Variants in KLF8 observed in about 807,000 individuals in gnomAD.
KLF8 encodes the protein KLF transcription factor 8.
KLF8 carries 10 observed loss-of-function variants against 18.2 expected under a neutral mutation model. The ratio of observed to expected loss-of-function variants is 0.55; its 90% CI spans 0.34 to 0.93. The LOEUF is 0.93. KLF8 is among the 40% of genes least tolerant of loss of function. The probability of loss-of-function intolerance (pLI) is 0.02; values close to 1 mark genes in which losing one functional copy is unlikely to be tolerated. For missense variants in KLF8, 264 were observed against 277.9 expected, an observed-to-expected ratio of 0.95 and a Z score of 0.36; for synonymous variants, 109 against 97.3, an observed-to-expected ratio of 1.12 and a Z score of -0.71.
At chrX:55,962,219 G>A in the KLF8 span, 1 of 175,626 alleles carries the variant, frequency 5.7e-6, no homozygotes, top group Non-Finnish European at 1.1e-5. Flanking sequence ...GTTGCAAGAA[G>A]TGAAAAGCAT....
the KLF8 span, among the ~76,000 whole-genome samples, chrX:56,055,134 A>G: frequency 1.8e-5 from 2 of 111,109 alleles, no homozygotes; most frequent in Non-Finnish European, 3.8e-5. Flanking sequence ...TTAGCTGGCT[A>G]TTTTTCAGAC....
At chrX:56,057,027 G>A in the KLF8 span, among the ~76,000 whole-genome samples, 11 of 91,060 alleles carry the variant, frequency 1.2e-4, no homozygotes, top group Non-Finnish European at 2.1e-4. Context: ...CTGTGACAGG[G>A]TGCTAACAGG....
At chrX:56,104,666 C>G in the KLF8 span, among the ~76,000 whole-genome samples, 18 of 111,460 alleles carry the variant, frequency 1.6e-4, no homozygotes, top group Admixed American at 1.5e-3. Flanking sequence ...AAAAAACCAG[C>G]TCCTGGATTC....
At chrX:56,065,249 C>T in the KLF8 span, among the ~76,000 whole-genome samples, 2 of 111,637 alleles carry the variant, frequency 1.8e-5, no homozygotes, top group Middle Eastern at 4.6e-3. Context: ...TATGGTGTCC[C>T]ATATGTCCTG....
At chrX:56,257,572 AC>A (rs1319424051) in intron 2 of KLF8, among the ~76,000 whole-genome samples, 1 of 111,361 alleles carries the variant, frequency 9.0e-6, no homozygotes, top group Non-Finnish European at 1.9e-5. Context: ...GTCCATGAGT[AC>A]CCAACGTTTA....
rs1165197696 is a variant in KLF8 at position 56,290,357 on chromosome X, A to G, written c.*5863A>G. On this transcript the variant is annotated 3_prime_UTR_variant, in exon 6 of 6. Transcript: ENST00000468660. The stretch of plus-strand genomic sequence containing the variant: ...TATAATGATAGTTATAGTACCTTAT[A>G]TTTACCCTATGTAAAAGAGAAGATT... Among the ~76,000 whole-genome samples the G allele has an allele frequency of 8.9e-6, 1 of 111,858 alleles. No homozygotes were observed. The highest frequency in any genetic ancestry group is 3.2e-5 in the African/African-American group (1 of 30,787).
intron 1 of KLF8, among the ~76,000 whole-genome samples, chrX:56,238,076 G>A (rs1042684310): frequency 1.8e-5 from 2 of 111,431 alleles, no homozygotes; most frequent in Non-Finnish European, 3.8e-5. Context: ...TTTTTTTGGA[G>A]AGTGGACACA....
intron 1 of KLF8, among the ~76,000 whole-genome samples, chrX:56,237,974 C>G (rs747271625): frequency 9.0e-6 from 1 of 111,694 alleles, no homozygotes; most frequent in Admixed American, 9.5e-5. Context: ...AGATCAGAAC[C>G]TCACCTTTAT....
chrX:56,077,956 G>A, the KLF8 span, among the ~76,000 whole-genome samples: 1 of 111,942 alleles, frequency 8.9e-6, no homozygotes, highest in East Asian at 2.8e-4. Flanking sequence ...TGTTATTGGT[G>A]TATAAGAATG....
the KLF8 span, among the ~76,000 whole-genome samples, chrX:56,154,845 C>T: frequency 8.9e-6 from 1 of 112,017 alleles, no homozygotes; most frequent in South Asian, 3.7e-4. Flanking sequence ...CCAAAAGACA[C>T]ATGAAAAAAT....
rs1555930257 is a variant in KLF8 at position 56,253,764 on chromosome X, C to CTTTTTTCT, written c.81+3466_81+3467insCTTTTTTT. 6.5e-4 allele frequency among the ~76,000 whole-genome samples: 39 copies of CTTTTTTCT among 60,112 alleles called. 1 individual carries two copies. The highest frequency in any genetic ancestry group is 2.8e-3 in the African/African-American group (39 of 13,928). The allele number at this position is 60,112 out of a possible 115,157, so 52.2% of individuals were successfully genotyped here. On this transcript the variant is annotated intron_variant, in intron 2 of 5. Coordinates refer to ENST00000468660, the MANE Select transcript of KLF8 (RefSeq NM_007250.5). ...GTACATAATGTCTTTTTTTCTTTTT[C>CTTTTTTCT]TTTTTTTTTTTTTTGAGATGTTGTC...
rs185521474 is a variant in KLF8, at chrX:56,233,974, C to A, written c.7+633C>A. ...TAAGACGTGGCCAAGGCAGTTGGTTCGTCTGTGTAGGTGGAAGACTGACTG... is the reference window on the plus strand; with the variant it reads ...TAAGACGTGGCCAAGGCAGTTGGTTAGTCTGTGTAGGTGGAAGACTGACTG... On this transcript the variant is annotated intron_variant, in intron 1 of 5. Transcript: ENST00000468660. Among the ~76,000 whole-genome samples, 73 of 111,149 alleles carry A rather than the reference C, an allele frequency of 6.6e-4. 1 individual carries two copies. Among genetic ancestry groups the A allele is most frequent in the Non-Finnish European group, 7.6e-4 (40 of 52,976 alleles).
the KLF8 span, among the ~76,000 whole-genome samples, chrX:56,159,729 T>C: frequency 1.8e-5 from 2 of 111,967 alleles, no homozygotes; most frequent in Non-Finnish European, 3.8e-5. Context: ...GGATCGGTGG[T>C]GATATCCCCT....
the KLF8 span, among the ~76,000 whole-genome samples, chrX:56,158,432 C>A: frequency 8.9e-6 from 1 of 111,825 alleles, no homozygotes; most frequent in Non-Finnish European, 1.9e-5. Flanking sequence ...TGAAGAAAGT[C>A]CTTGGTAGCT....
chrX:56,195,704 A>G, the KLF8 span, among the ~76,000 whole-genome samples: 2 of 111,945 alleles, frequency 1.8e-5, no homozygotes, highest in Non-Finnish European at 3.8e-5. Context: ...AAGGCAGGCC[A>G]ACATTCAAAT....
At chrX:56,204,811 T>C in the KLF8 span, among the ~76,000 whole-genome samples, 1 of 110,875 alleles carries the variant, frequency 9.0e-6, no homozygotes, top group African/African-American at 3.3e-5. Flanking sequence ...GACATTAAAC[T>C]GTCTCTAGAT....
At chrX:56,006,841 T>G in the KLF8 span, among the ~76,000 whole-genome samples, 1 of 112,162 alleles carries the variant, frequency 8.9e-6, no homozygotes, top group African/African-American at 3.2e-5. Flanking sequence ...GTTGTTAGGC[T>G]TTCCTATTGT....
chrX:56,264,014 T>C (rs2066923463), intron 2 of KLF8, among the ~76,000 whole-genome samples: 1 of 111,929 alleles, frequency 8.9e-6, no homozygotes, highest in Admixed American at 9.5e-5. Flanking sequence ...TCCTTAACAT[T>C]TTTCATAATT....
intron 5 of KLF8, among the ~76,000 whole-genome samples, chrX:56,279,150 C>CT (rs1049939887): frequency 9.1e-5 from 10 of 109,746 alleles, no homozygotes; most frequent in East Asian, 5.7e-4. Flanking sequence ...ATTTTTCGTT[C>CT]TTTTTTTTTA....
Sources: allele counts gnomAD v4.1 joint callset (sites outside exome capture counted in the v4.1 genomes callset), GRCh38; gene constraint gnomAD v4.1.1; transcripts MANE v1.5; gene names NCBI Gene and HGNC (gene_info 2026-07-23, HGNC 2026-07-21).